The following LRRC4C variants were observed in gnomAD, a reference collection of about 807,000 sequenced individuals.
LRRC4C encodes leucine-rich repeat-containing protein 4C.
LRRC4C carries 5 observed loss-of-function variants against 33.6 expected under a neutral mutation model. That is an observed-to-expected ratio of 0.15 (90% CI 0.08 to 0.31). The LOEUF (loss-of-function observed/expected upper bound fraction) is 0.31. Ranked by LOEUF, LRRC4C falls within the 10% of genes least tolerant of loss-of-function variation. LRRC4C has a pLI of 1.00. For synonymous variants in LRRC4C, 329 were observed against 302.0 expected (o/e 1.09, Z -0.93); for missense variants, 560 against 796.7 (o/e 0.70, Z 3.58).
intron 1 of LRRC4C, among the ~76,000 whole-genome samples, chr11:41,026,691 A>G (rs191541441): frequency 6.6e-6 from 1 of 151,526 alleles, no homozygotes; most frequent in East Asian, 1.9e-4. Context: ...TTCAGCAACT[A>G]CCACCTTCAC....
At chr11:41,258,307 T>C (rs1039762462) in intron 1 of LRRC4C, among the ~76,000 whole-genome samples, 2 of 151,994 alleles carry the variant, frequency 1.3e-5, no homozygotes, top group African/African-American at 4.8e-5. Flanking sequence ...TTGATATATC[T>C]TCAAGGGAAG....
At chr11:40,766,353 TAAA>T (rs60152534) in intron 2 of LRRC4C, among the ~76,000 whole-genome samples, 568 of 33,900 alleles carry the variant, frequency 0.017, 5 homozygotes, top group African/African-American at 0.056. Flanking sequence ...TTCAGTCTGT[TAAA>T]AAAAAAAAAA....
chr11:40,435,775 C>T (rs1023780417), intron 3 of LRRC4C, among the ~76,000 whole-genome samples: 8 of 152,064 alleles, frequency 5.3e-5, no homozygotes, highest in African/African-American at 1.7e-4. Flanking sequence ...ACTATTAACC[C>T]GAGTGTTGTT....
intron 4 of LRRC4C, among the ~76,000 whole-genome samples, chr11:40,317,466 G>C (rs1281980429): frequency 6.6e-6 from 1 of 152,058 alleles, no homozygotes; most frequent in Non-Finnish European, 1.5e-5. Context: ...TTCTAGAGCT[G>C]ACAATAAATT....
At chr11:40,278,868 A>G (rs1943289631) in intron 4 of LRRC4C, among the ~76,000 whole-genome samples, 1 of 152,042 alleles carries the variant, frequency 6.6e-6, no homozygotes, top group Non-Finnish European at 1.5e-5. Flanking sequence ...GGGTGCACTG[A>G]CCCTCTACTC....
At chr11:41,225,402 T>G (rs546394483) in intron 1 of LRRC4C, among the ~76,000 whole-genome samples, 2 of 152,264 alleles carry the variant, frequency 1.3e-5, no homozygotes, top group East Asian at 3.9e-4. Flanking sequence ...AAACATCTCA[T>G]GTACCCAATA....
chr11:41,124,623 A>G (rs892692473), intron 1 of LRRC4C, among the ~76,000 whole-genome samples: 1 of 152,120 alleles, frequency 6.6e-6, no homozygotes, highest in African/African-American at 2.4e-5. Context: ...ATAAACATAG[A>G]CAGTCATTAA....
chr11:40,261,762 G>A (rs1941852630), intron 4 of LRRC4C, among the ~76,000 whole-genome samples: 1 of 152,048 alleles, frequency 6.6e-6, no homozygotes, highest in Non-Finnish European at 1.5e-5. Context: ...TTAATAAATG[G>A]TGTTGGGAGA....
intron 1 of LRRC4C, among the ~76,000 whole-genome samples, chr11:41,343,799 C>G (rs1370099960): frequency 6.6e-6 from 1 of 152,084 alleles, no homozygotes; most frequent in Admixed American, 6.6e-5. Context: ...AAAGAAGTCC[C>G]TATTTATAAC....
chr11:40,266,960 C>T (rs1486589759), intron 4 of LRRC4C, among the ~76,000 whole-genome samples: 6 of 131,578 alleles, frequency 4.6e-5, no homozygotes, highest in Non-Finnish European at 9.7e-5. Context: ...CACCCACCCA[C>T]CCACACACAC....
At chr11:40,382,191 C>T (rs1439577362) in intron 3 of LRRC4C, among the ~76,000 whole-genome samples, 1 of 132,842 alleles carries the variant, frequency 7.5e-6, no homozygotes, top group African/African-American at 2.8e-5. Flanking sequence ...ACCGTGTTAA[C>T]TAGGTTGGTC....
intron 2 of LRRC4C, among the ~76,000 whole-genome samples, chr11:40,770,836 C>G (rs1055922671): frequency 6.6e-6 from 1 of 152,162 alleles, no homozygotes; most frequent in Admixed American, 6.5e-5. Context: ...CCAGGTCACA[C>G]TGATGGAAGA....
chr11:40,493,002 A>C (rs1221910777), intron 3 of LRRC4C, among the ~76,000 whole-genome samples: 1 of 151,874 alleles, frequency 6.6e-6, no homozygotes, highest in Non-Finnish European at 1.5e-5. Flanking sequence ...TTGAAAGTGG[A>C]AAACAGTGGC....
intron 2 of LRRC4C, among the ~76,000 whole-genome samples, chr11:40,843,799 A>T (rs1953024591): frequency 1.3e-5 from 2 of 152,282 alleles, no homozygotes; most frequent in South Asian, 4.1e-4. Context: ...TTACATTTTC[A>T]GTTGCAAATA....
At chr11:41,411,492 A>G (rs1042514244) in intron 1 of LRRC4C, among the ~76,000 whole-genome samples, 3 of 152,174 alleles carry the variant, frequency 2.0e-5, no homozygotes, top group Non-Finnish European at 2.9e-5. Context: ...GACAAAACCA[A>G]TGGAGATCAA....
At chr11:40,361,255 G>T (rs970460489) in intron 3 of LRRC4C, among the ~76,000 whole-genome samples, 1 of 152,146 alleles carries the variant, frequency 6.6e-6, no homozygotes, top group Non-Finnish European at 1.5e-5. Flanking sequence ...GGGCAATCAG[G>T]CAAGAGAGAG....
chr11:41,354,429 G>T (rs1004412146), intron 1 of LRRC4C, among the ~76,000 whole-genome samples: 20 of 152,014 alleles, frequency 1.3e-4, no homozygotes, highest in African/African-American at 4.6e-4. Flanking sequence ...AATTGATATT[G>T]TTAAAATGGT....
At chr11:41,248,597 A>G (rs1326688426) in intron 1 of LRRC4C, among the ~76,000 whole-genome samples, 1 of 152,080 alleles carries the variant, frequency 6.6e-6, no homozygotes, top group African/African-American at 2.4e-5. Flanking sequence ...TATGAAATGG[A>G]ATATCACAGG....
chr11:41,236,614 A>G (rs1948034724), intron 1 of LRRC4C, among the ~76,000 whole-genome samples: 1 of 151,896 alleles, frequency 6.6e-6, no homozygotes, highest in Admixed American at 6.6e-5. Flanking sequence ...GTGTAGGGGG[A>G]ACAAGTGATA....
Sources: gnomAD v4.1 joint callset for allele counts (sites outside exome capture counted in the v4.1 genomes callset) on GRCh38, gnomAD v4.1.1 for gene constraint, MANE v1.5 for transcripts, NCBI Gene and HGNC (gene_info 2026-07-23, HGNC 2026-07-21) for gene names.